The following TRAK1 variants were observed in gnomAD, a reference collection of about 807,000 sequenced individuals.
TRAK1 encodes the protein trafficking kinesin protein 1, also known as trafficking kinesin-binding protein 1.
In TRAK1, 33 loss-of-function variants were observed where a neutral mutation model predicts 92.1. The ratio of observed to expected loss-of-function variants is 0.36; its 90% CI spans 0.27 to 0.48. The LOEUF (loss-of-function observed/expected upper bound fraction) is 0.48, where lower values mean the gene tolerates loss of function less well. TRAK1 is among the 20% of genes least tolerant of loss of function. The pLI is 0.99. For missense variants in TRAK1, 1,123 were observed against 1,257.9 expected, an observed-to-expected ratio of 0.89 and a Z score of 1.62; for synonymous variants, 521 against 517.3, an observed-to-expected ratio of 1.01 and a Z score of -0.10.
chr3:42,084,366 C>T (rs1055792221), upstream of TRAK1, among the ~76,000 whole-genome samples: 2 of 152,048 alleles, frequency 1.3e-5, no homozygotes, highest in Non-Finnish European at 2.9e-5. Context: ...TTGGGAGGCT[C>T]AGGCAGGAGG....
Position 42,188,159 on chromosome 3 carries a change from G to T in TRAK1, c.581+14G>T. ...TTGCTCAACCCCGTAAGTCACCAGA[G>T]GGCTGTATTTCTGGAGGCCAGAGCA... On this transcript the variant is annotated intron_variant, in intron 5 of 15. Transcript: ENST00000327628. 1 of 1,613,404 alleles carries T rather than the reference G, an allele frequency of 6.2e-7. No homozygotes were observed. Among genetic ancestry groups the T allele is most frequent in the Non-Finnish European group, 8.5e-7 (1 of 1,179,414 alleles).
At chr3:42,214,646 A>T (rs1709453853) in intron 14 of TRAK1, among the ~76,000 whole-genome samples, 3 of 152,222 alleles carry the variant, frequency 2.0e-5, no homozygotes, top group Non-Finnish European at 2.9e-5. Context: ...AGTGGGAAGA[A>T]GAGTCGACTT....
intron 2 of TRAK1, chr3:42,146,287 C>T (rs2149242574): frequency 3.3e-6 from 1 of 304,318 alleles, no homozygotes; most frequent in South Asian, 4.7e-5. Flanking sequence ...CTTGTCTTGC[C>T]ATTCTTCCAG....
At chr3:42,205,693 T>C (rs1334753042) in intron 13 of TRAK1, among the ~76,000 whole-genome samples, 1 of 152,256 alleles carries the variant, frequency 6.6e-6, no homozygotes, top group African/African-American at 2.4e-5. Flanking sequence ...TTCAAAGCTG[T>C]ACATTATCCA....
At chr3:42,120,767 C>T (rs927800010) in intron 1 of TRAK1, among the ~76,000 whole-genome samples, 4 of 152,118 alleles carry the variant, frequency 2.6e-5, no homozygotes, top group Non-Finnish European at 5.9e-5. Flanking sequence ...AGGGTGGTCT[C>T]GATCTCTTGA....
At chr3:42,218,052 C>G in intron 14 of TRAK1, 2 of 985,316 alleles carry the variant, frequency 2.0e-6, no homozygotes, top group Non-Finnish European at 2.4e-6. Flanking sequence ...GCCATGGGAG[C>G]CTGCTTTGAC....
chr3:42,016,077 C>T (rs1291982135), intron 1 of TRAK1, among the ~76,000 whole-genome samples: 1 of 152,112 alleles, frequency 6.6e-6, no homozygotes, highest in East Asian at 1.9e-4. Flanking sequence ...AATAAAAGGG[C>T]TTTCAAAAAT....
rs1701748592 is a variant in TRAK1, at chr3:42,022,247, CAT to C, written c.-519+8132_-519+8133del. ...TTCCAAAGGTCTCTTGTGGAAGAAA[CAT>C]AGTTTGGTGTTATATATTTGGGAAA... On this transcript the variant is annotated intron_variant, in intron 1 of 16. Coordinates refer to the TRAK1 transcript ENST00000487159. 1.3e-5 allele frequency among the ~76,000 whole-genome samples: 2 copies of C among 152,110 alleles called. 1 individual carries two copies. Among genetic ancestry groups the C allele is most frequent in the South Asian group, 4.1e-4 (2 of 4,828 alleles).
At chr3:42,184,353 A>T (rs1559890078) in intron 3 of TRAK1, among the ~76,000 whole-genome samples, 1 of 152,224 alleles carries the variant, frequency 6.6e-6, no homozygotes, top group Non-Finnish European at 1.5e-5. Context: ...AGGTGGAGAG[A>T]CAGGTTATCA....
intron 2 of TRAK1, among the ~76,000 whole-genome samples, chr3:42,157,383 T>C (rs1478833728): frequency 7.4e-6 from 1 of 134,742 alleles, no homozygotes; most frequent in African/African-American, 2.8e-5. Context: ...CCCTTGAGCC[T>C]AGAGGTCGAG....
intron 1 of TRAK1, among the ~76,000 whole-genome samples, chr3:42,062,830 A>G (rs1259393382): frequency 6.6e-6 from 1 of 152,086 alleles, no homozygotes; most frequent in African/African-American, 2.4e-5. Context: ...GGACTTCCCT[A>G]CAGCCCCTTG....
intron 1 of TRAK1, among the ~76,000 whole-genome samples, chr3:42,075,327 T>G (rs1704103082): frequency 9.9e-6 from 1 of 101,220 alleles, no homozygotes; most frequent in African/African-American, 4.4e-5. Flanking sequence ...GGTGACAGAG[T>G]GAGACTCAGT....
intron 2 of TRAK1, among the ~76,000 whole-genome samples, chr3:42,154,623 G>C (rs1185181152): frequency 6.6e-6 from 1 of 151,910 alleles, no homozygotes; most frequent in African/African-American, 2.4e-5. Flanking sequence ...TAGAGATGGG[G>C]TCTCACTATG....
intron 1 of TRAK1, among the ~76,000 whole-genome samples, chr3:42,104,949 CTTTTTTTTTTT>C (rs34326359): frequency 3.1e-5 from 4 of 130,770 alleles, no homozygotes; most frequent in African/African-American, 1.1e-4. Context: ...AGCTAAAAAT[CTTTTTTTTTTT>C]TTTTTTTTGA....
intron 1 of TRAK1, among the ~76,000 whole-genome samples, chr3:42,124,678 A>T (rs1050041164): frequency 6.6e-6 from 1 of 152,216 alleles, no homozygotes; most frequent in Non-Finnish European, 1.5e-5. Flanking sequence ...TGAATCAGAC[A>T]CTGAAATACC....
chr3:42,219,618 G>A (rs1378267141), intron 15 of TRAK1, 22 bp downstream of exon 15: 7 of 1,593,960 alleles, frequency 4.4e-6, no homozygotes, highest in South Asian at 1.1e-5. Flanking sequence ...TGGCTTTGGG[G>A]TGGGCAGGGG....
intron 3 of TRAK1, among the ~76,000 whole-genome samples, chr3:42,183,568 A>AAAAAAAAAAAAAAAAAAAAG (rs1553751625): frequency 1.4e-5 from 2 of 145,220 alleles, no homozygotes; most frequent in African/African-American, 2.5e-5. Flanking sequence ...AAAAAAAAAA[A>AAAAAAAAAAAAAAAAAAAAG]AAAGAAAGAA....
At chr3:42,149,317 GCTC>G (rs1382604260) in intron 2 of TRAK1, 5 of 1,418,840 alleles carry the variant, frequency 3.5e-6, no homozygotes, top group Non-Finnish European at 3.7e-6. Context: ...CTTCCTTTCT[GCTC>G]CTCCTACTCC....
In TRAK1 at chr3:42,193,211, G is replaced by C. The variant is rs758001531; in HGVS notation, c.900+6G>C. ...TGCAGAAAAAGGCAAAAGCTGTAAG[G>C]CTTCTCTGTTTATCTGGCTGATACA... On this transcript the variant is annotated splice_donor_region_variant and intron_variant, in intron 8 of 15. Coordinates refer to ENST00000327628, the MANE Select transcript of TRAK1 (RefSeq NM_001042646.3). 2.5e-6 allele frequency: 4 copies of C among 1,613,794 alleles called. No homozygotes were observed. In the South Asian group the frequency reaches 4.4e-5, roughly 18 times the overall value.
Sources: allele counts gnomAD v4.1 joint callset (sites outside exome capture counted in the v4.1 genomes callset), GRCh38; gene constraint gnomAD v4.1.1; transcripts MANE v1.5; gene names NCBI Gene and HGNC (gene_info 2026-07-23, HGNC 2026-07-21).